Variants in GRXCR2 observed in about 807,000 individuals in gnomAD.
The protein encoded by GRXCR2 is glutaredoxin domain-containing cysteine-rich protein 2.
In GRXCR2, 23 loss-of-function variants were observed where a neutral mutation model predicts 24.8. The observed-to-expected ratio is 0.93, with a 90% confidence interval of 0.67 to 1.32. GRXCR2 has a LOEUF of 1.32. Among genes scored for constraint, GRXCR2 ranks in the 40% most tolerant of loss-of-function variants. The pLI, the probability that GRXCR2 is intolerant of heterozygous loss-of-function variation, is 0.00. For missense variants in GRXCR2, 315 were observed against 303.4 expected, an observed-to-expected ratio of 1.04 and a Z score of -0.28; for synonymous variants, 130 against 116.1, an observed-to-expected ratio of 1.12 and a Z score of -0.77.
At chr5:145,898,414 T>C (rs1756980250) in intron 2 of GRXCR2, among the ~76,000 whole-genome samples, 1 of 151,844 alleles carries the variant, frequency 6.6e-6, no homozygotes, top group African/African-American at 2.4e-5. Flanking sequence ...AAACATCAAG[T>C]AGAAGGGACT....
At chr5:145,885,164 G>C (rs1453209694) in intron 2 of GRXCR2, among the ~76,000 whole-genome samples, 1 of 151,424 alleles carries the variant, frequency 6.6e-6, no homozygotes, top group East Asian at 1.9e-4. Flanking sequence ...CTCCAGCATG[G>C]CATTTTTCTT....
At position 145,914,625 on chromosome 5, in the gene GRXCR2, G is replaced by A. The variant is rs1412281270; in HGVS notation, c.-70+21076C>T. Among the ~76,000 whole-genome samples the A allele has an allele frequency of 5.1e-5, 7 of 137,058 alleles. No individual in the cohort carries two copies. The East Asian group carries it at 9.4e-4, about 18-fold the overall frequency. The allele number at this position is 137,058 out of a possible 152,430, so 89.9% of individuals were successfully genotyped here. A position where few individuals can be genotyped will look rare whatever the true frequency, so the allele number is the denominator to read the frequency against. ...CTGGAGGTGAAGGTTGCAGTGAGCC[G>A]AGATGGTGTCATAGCACTCCAGCCT... On this transcript the variant is annotated intron_variant, in intron 2 of 3. Coordinates refer to the GRXCR2 transcript ENST00000639411.
intron 2 of GRXCR2, among the ~76,000 whole-genome samples, chr5:145,906,577 A>G (rs2149924116): frequency 1.3e-5 from 2 of 152,318 alleles, no homozygotes; most frequent in South Asian, 4.2e-4. Context: ...CACTGGAAGT[A>G]ATCCAATCAC....
At chr5:145,909,780 A>G (rs1387952767) in intron 2 of GRXCR2, among the ~76,000 whole-genome samples, 3 of 152,192 alleles carry the variant, frequency 2.0e-5, no homozygotes, top group Non-Finnish European at 2.9e-5. Context: ...TACTTCTCTT[A>G]TAAATCCTTT....
chr5:145,892,542 GA>G (rs1317126504), intron 2 of GRXCR2, among the ~76,000 whole-genome samples: 4 of 152,074 alleles, frequency 2.6e-5, no homozygotes, highest in African/African-American at 7.2e-5. Context: ...AGTGATGGAA[GA>G]ACAATGAATG....
chr5:145,891,352 A>T (rs538238679), intron 2 of GRXCR2, among the ~76,000 whole-genome samples: 17 of 152,326 alleles, frequency 1.1e-4, no homozygotes, highest in Non-Finnish European at 1.8e-4. Flanking sequence ...TCACCCAGGA[A>T]GTGCAAGGAG....
At chr5:145,889,172 A>AAAAGAAAGGAAG (rs1756821295) in intron 2 of GRXCR2, among the ~76,000 whole-genome samples, 1 of 83,984 alleles carries the variant, frequency 1.2e-5, no homozygotes, top group Non-Finnish European at 2.3e-5. Flanking sequence ...CTGTCTCAAA[A>AAAAGAAAGGAAG]AAAGAAAGAA....
upstream of GRXCR2, among the ~76,000 whole-genome samples, chr5:145,875,324 G>A (rs1210377812): frequency 6.6e-6 from 1 of 152,200 alleles, no homozygotes; most frequent in Non-Finnish European, 1.5e-5. Context: ...GCCGAGGCAG[G>A]TGGATCACGA....
At chr5:145,904,535 A>G (rs1045494909) in intron 2 of GRXCR2, among the ~76,000 whole-genome samples, 3 of 152,174 alleles carry the variant, frequency 2.0e-5, no homozygotes, top group Non-Finnish European at 2.9e-5. Flanking sequence ...TGGAGCCACC[A>G]GTTTTATTTG....
At chr5:145,893,595 T>C (rs1001226791) in intron 2 of GRXCR2, among the ~76,000 whole-genome samples, 1 of 152,202 alleles carries the variant, frequency 6.6e-6, no homozygotes, top group Admixed American at 6.5e-5. Flanking sequence ...ATCCTAAATA[T>C]ATATGCACCC....
intron 2 of GRXCR2, among the ~76,000 whole-genome samples, chr5:145,895,129 G>T (rs56328607): frequency 1.3e-5 from 2 of 151,936 alleles, no homozygotes; most frequent in Non-Finnish European, 2.9e-5. Context: ...TTGATGGGAC[G>T]TATCTCAAAA....
At chr5:145,929,494 A>G (rs1417869273) in intron 2 of GRXCR2, among the ~76,000 whole-genome samples, 1 of 152,080 alleles carries the variant, frequency 6.6e-6, no homozygotes, top group Non-Finnish European at 1.5e-5. Context: ...TACCCGTCAC[A>G]CAACTTCCCC....
rs559556180 is a variant in GRXCR2 at position 145,889,345 on chromosome 5, T to C, written c.-69-22617A>G. Among the ~76,000 whole-genome samples, 61 of 152,216 alleles carry C rather than the reference T, an allele frequency of 4.0e-4. 1 individual carries two copies. In the South Asian group the frequency reaches 0.013, roughly 32 times the overall value. ...GGTACAATGTATACTGCTTGGGTGA[T>C]GGGTGCACTAAAATCTCACAAATCA... is the stretch of plus-strand genomic sequence containing the variant. On this transcript the variant is annotated intron_variant, in intron 2 of 3. Coordinates refer to the GRXCR2 transcript ENST00000639411.
upstream of GRXCR2, among the ~76,000 whole-genome samples, chr5:145,874,225 G>T (rs559742397): frequency 1.3e-3 from 193 of 146,566 alleles, 3 homozygotes; most frequent in Admixed American, 2.7e-3. Flanking sequence ...TTTTTTTTGA[G>T]ACGGAGTCTC....
intron 2 of GRXCR2, among the ~76,000 whole-genome samples, chr5:145,865,037 A>G (rs1756404168): frequency 6.6e-6 from 1 of 152,128 alleles, no homozygotes; most frequent in African/African-American, 2.4e-5. Flanking sequence ...ATGATATGGG[A>G]GAAATGAGAT....
rs116748411 is a variant in GRXCR2 at position 145,905,491 on chromosome 5, C to T, written c.-70+30210G>A. Among the ~76,000 whole-genome samples the T allele has an allele frequency of 2.8e-3, 433 of 152,214 alleles. 2 individuals are homozygous for T. Among genetic ancestry groups the T allele is most frequent in the African/African-American group, 0.01 (423 of 41,544 alleles). On this transcript the variant is annotated intron_variant, in intron 2 of 3. Transcript: ENST00000639411. ...TATGTACACAATATATTTTAACTGC[C>T]TGTATGGTGTAGAGGGGATGCCTAA... is the stretch of plus-strand genomic sequence containing the variant.
chr5:145,908,528 G>C (rs766771255), intron 2 of GRXCR2, among the ~76,000 whole-genome samples: 3 of 152,188 alleles, frequency 2.0e-5, no homozygotes, highest in Non-Finnish European at 2.9e-5. Context: ...TATGAATATG[G>C]AGGGATCTTT....
rs146204749 is a variant in GRXCR2, at chr5:145,903,086, C to T, written c.-70+32615G>A. On this transcript the variant is annotated intron_variant, in intron 2 of 3. Coordinates refer to the GRXCR2 transcript ENST00000639411. ...GACTAAATACTTTCAGTTGCATTGA[C>T]AGCAAAGATTGTGCCTAGCCCCCTA... is the stretch of plus-strand genomic sequence containing the variant. 8.5e-4 allele frequency among the ~76,000 whole-genome samples: 129 copies of T among 152,282 alleles called. No individual in the cohort carries two copies. The East Asian group carries it at 0.019, about 22-fold the overall frequency.
intron 2 of GRXCR2, among the ~76,000 whole-genome samples, chr5:145,905,005 A>G (rs1757070992): frequency 6.6e-6 from 1 of 152,186 alleles, no homozygotes; most frequent in Non-Finnish European, 1.5e-5. Context: ...GCTTCTGCTT[A>G]CATCATGCTG....
Sources: gnomAD v4.1 joint callset for allele counts (sites outside exome capture counted in the v4.1 genomes callset) on GRCh38, gnomAD v4.1.1 for gene constraint, MANE v1.5 for transcripts, NCBI Gene and HGNC (gene_info 2026-07-23, HGNC 2026-07-21) for gene names.